ZNF646: variants seen among roughly 807,000 people sequenced by gnomAD.
ZNF646 encodes the protein zinc finger protein 646.
ZNF646 carries 49 observed loss-of-function variants against 115.4 expected under a neutral mutation model. The ratio of observed to expected loss-of-function variants is 0.42; its 90% CI spans 0.34 to 0.54. The LOEUF is 0.54. Ranked by LOEUF, ZNF646 falls within the 20% of genes least tolerant of loss-of-function variation. The probability of loss-of-function intolerance (pLI) is 0.04; values close to 1 mark genes in which losing one functional copy is unlikely to be tolerated. For missense variants in ZNF646, 2,269 were observed against 2,457.9 expected (o/e 0.92, Z 1.62); for synonymous variants, 933 against 939.0 (o/e 0.99, Z 0.12).
chr16:31,079,503 C>T lies in ZNF646; in HGVS notation c.3179C>T (p.Thr1060Ile). The change falls in exon 2 of 3, where the codon ACC becomes ATC. Residue 1060 changes from threonine to isoleucine, a missense_variant. By Grantham distance (89) the Thr-to-Ile change is moderately conservative (BLOSUM62 -1). Around this residue, in one of 5 missense-constraint regions of ZNF646, gnomAD observed 1,062 missense variants for 1,172.8 expected, o/e 0.91. Transcript: ENST00000300850. The surrounding 1 kb of genome is among the most constrained non-coding windows in gnomAD (Gnocchi z 5.5). ...TTCCGCTGCAACCAGTGTGGCAAGA[C>T]CTATCGCCATGGGGGCAGCCTGGTG... is the stretch of plus-strand genomic sequence containing the variant. ...RPFRCNQCGK[T>I]YRHGGSLVNH... 6.2e-7 allele frequency: 1 copy of T among 1,613,682 alleles called. No homozygotes were observed. Among genetic ancestry groups the T allele is most frequent in the Non-Finnish European group, 8.5e-7 (1 of 1,180,012 alleles).
rs140521576 is a variant in ZNF646, at chr16:31,077,294, C to T, written c.970C>T (p.Arg324Cys). ...QSHEGERQEP[R>C]WEEKGMPTTN... The stretch of plus-strand genomic sequence containing the variant: ...CCATGAGGGTGAAAGGCAGGAGCCA[C>T]GCTGGGAGGAGAAAGGGATGCCCAC... Residue 324 changes from arginine (R) to cysteine (C), a missense_variant, in exon 2 of 3, where the codon CGC (arginine) becomes TGC (cysteine). Coordinates refer to ENST00000300850, the MANE Select transcript of ZNF646 (RefSeq NM_014699.4). The T allele has an allele frequency of 3.7e-5, 60 of 1,613,946 alleles. 2 individuals carry two copies. The South Asian group carries it at 5.6e-4, about 15-fold the overall frequency.
chr16:31,084,101 G>T lies in ZNF646; in HGVS notation c.*1009G>T. On this transcript the variant is annotated 3_prime_UTR_variant, in exon 3 of 3. Coordinates refer to ENST00000300850, the MANE Select transcript of ZNF646 (RefSeq NM_014699.4). ...CCTGGAGAGGCAGGGTTTGGCAGGA[G>T]GCCCCGGGGCCACATACTTATGTTG... is the stretch of plus-strand genomic sequence containing the variant. 2 of 1,556,384 alleles carry T rather than the reference G, an allele frequency of 1.3e-6. No individual in the cohort carries two copies. Among genetic ancestry groups the T allele is most frequent in the South Asian group, 2.4e-5 (2 of 84,526 alleles).
At position 31,083,281 on chromosome 16, in the gene ZNF646, ACCT is replaced by A; in HGVS notation, c.*193_*195del. 9.9e-7 allele frequency: 1 copy of A among 1,006,950 alleles called. No homozygotes were observed. The highest frequency in any genetic ancestry group is 3.1e-5 in the East Asian group (1 of 32,624). 62.4% of individuals were successfully genotyped at this position (1,006,950 alleles called of 1,614,324 possible). On this transcript the variant is annotated 3_prime_UTR_variant, in exon 3 of 3. Coordinates refer to ENST00000300850, the MANE Select transcript of ZNF646 (RefSeq NM_014699.4). ...TTCCTCGCGTCCCTGTCCTTGAAGGACCTCCTTCCCCCAGCCTCATCACCGTGC... is the reference window on the plus strand; with the variant it reads ...TTCCTCGCGTCCCTGTCCTTGAAGGACCTTCCCCCAGCCTCATCACCGTGC...
In ZNF646 at chr16:31,076,978, A is replaced by C; in HGVS notation, c.654A>C (p.Val218=). 1 of 1,614,084 alleles carries C rather than the reference A, an allele frequency of 6.2e-7. No homozygotes were observed. Among genetic ancestry groups the C allele is most frequent in the Non-Finnish European group, 8.5e-7 (1 of 1,179,970 alleles). Residue 218 remains valine, a synonymous_variant, in exon 2 of 3, where the codon GTA becomes GTC. Transcript: ENST00000300850. ...TGGAACAGTATCTGGCTGAATCAGT[A>C]GTGAACTTCACAGGGGGCCAGGAGC... ...SNLEQYLAES[V]VNFTGGQEPT... is the part of the protein sequence containing the mutation.
In ZNF646 at chr16:31,076,617, C is replaced by G; in HGVS notation, c.293C>G (p.Ala98Gly). Residue 98 changes from alanine to glycine, a missense_variant, in exon 2 of 3, where the codon GCT becomes GGT. By Grantham distance (60) the Ala-to-Gly change is moderately conservative (BLOSUM62 0). Transcript: ENST00000300850. ...CTCAAGAGCCATATGAGGACACATG[C>G]TCCTGAGGGCCGCCGCAGGCACAGG... ...MALKSHMRTH[A>G]PEGRRRHRPP... The G allele has an allele frequency of 6.2e-7, 1 of 1,613,072 alleles. No homozygotes were observed. Among genetic ancestry groups the G allele is most frequent in the Non-Finnish European group, 8.5e-7 (1 of 1,179,826 alleles).
intron 2 of ZNF646, chr16:31,081,968 A>G: frequency 3.7e-6 from 2 of 534,296 alleles, no homozygotes; most frequent in Non-Finnish European, 6.7e-6. Context: ...CTCCTCCATT[A>G]CACTGTAGCC....
At position 31,080,478 on chromosome 16, in the gene ZNF646, A is replaced by G. The variant is rs749379450; in HGVS notation, c.4154A>G (p.Glu1385Gly). The stretch of plus-strand genomic sequence containing the variant: ...GGATCTTTGGAGCGGCACCTGCGGG[A>G]GCATGAGGAGACAGAAAGGGAGCCA... ...GRGSLERHLR[E>G]HEETEREPAN... Residue 1385 changes from glutamate (E) to glycine (G), a missense_variant, in exon 2 of 3, where the codon GAG (glutamate) becomes GGG (glycine). Physicochemically the swap from Glu to Gly is moderately conservative, Grantham distance 98 (BLOSUM62 -2). Transcript: ENST00000300850. 6.2e-7 allele frequency: 1 copy of G among 1,613,432 alleles called. No homozygotes were observed. The highest frequency in any genetic ancestry group is 8.5e-7 in the Non-Finnish European group (1 of 1,179,960).
chr16:31,083,569 G>A lies in ZNF646; in HGVS notation c.*477G>A. The A allele has an allele frequency of 6.9e-7, 1 of 1,440,038 alleles. No individual in the cohort carries two copies. Among genetic ancestry groups the A allele is most frequent in the South Asian group, 1.5e-5 (1 of 66,616 alleles). 89.2% of individuals were successfully genotyped at this position (1,440,038 alleles called of 1,614,324 possible). A position where few individuals can be genotyped will look rare whatever the true frequency, so the allele number is the denominator to read the frequency against. On this transcript the variant is annotated 3_prime_UTR_variant, in exon 3 of 3. Transcript: ENST00000300850. Reference sequence around the variant, plus strand: ...AAGGAGGAGGAAAGCTGAGACGCCTGCTTGGTAGCAGAGTTGGGTGTGGGA... The same window carrying A: ...AAGGAGGAGGAAAGCTGAGACGCCTACTTGGTAGCAGAGTTGGGTGTGGGA...
chr16:31,072,787 C>G (rs2057025224), upstream of ZNF646: 1 of 152,406 alleles, frequency 6.6e-6, no homozygotes, highest in Admixed American at 6.5e-5. Context: ...CGGCAGCGAC[C>G]GAACCTCCAG....
In ZNF646 at chr16:31,079,430, C is replaced by T; in HGVS notation, c.3106C>T (p.Leu1036Phe). The T allele has an allele frequency of 2.5e-6, 4 of 1,613,964 alleles. No homozygotes were observed. Among genetic ancestry groups the T allele is most frequent in the Non-Finnish European group, 2.5e-6 (3 of 1,180,006 alleles). ...EGAGTPLGDS[L>F]CIQGGESLLE... The stretch of plus-strand genomic sequence containing the variant: ...AGCAGGCACCCCCTTGGGAGACAGC[C>T]TCTGCATCCAGGGTGGGGAAAGTTT... The change falls in exon 2 of 3, where the codon CTC becomes TTC. Residue 1036 changes from leucine (L) to phenylalanine (F), a missense_variant. Physicochemically the swap from Leu to Phe is conservative, Grantham distance 22 (BLOSUM62 0). Around this residue, in one of 5 missense-constraint regions of ZNF646, gnomAD observed 1,062 missense variants for 1,172.8 expected, o/e 0.91. Coordinates refer to ENST00000300850, the MANE Select transcript of ZNF646 (RefSeq NM_014699.4). This position sits in a 1 kb window ranked among gnomAD's most constrained non-coding sequence, Gnocchi z 5.5.
chr16:31,083,005 C>G lies in ZNF646; in HGVS notation c.5412C>G (p.Asp1804Glu). The G allele has an allele frequency of 6.2e-7, 1 of 1,603,554 alleles. No homozygotes were observed. Among genetic ancestry groups the G allele is most frequent in the African/African-American group, 1.3e-5 (1 of 74,338 alleles). Reference sequence around the variant, plus strand: ...TGGCACCAGTGACGGGCAGAGGGGACTTGCCATTGCCCCCTCCACCCACCC... The same window carrying G: ...TGGCACCAGTGACGGGCAGAGGGGAGTTGCCATTGCCCCCTCCACCCACCC... ...APVAPVTGRG[D>E]LPLPPPPTPT... Residue 1804 changes from aspartate to glutamate, a missense_variant, in exon 3 of 3, where the codon GAC becomes GAG. This residue lies in a region of ZNF646 where 1,062 missense variants were observed against 1,172.8 expected (regional missense o/e 0.91). Coordinates refer to ENST00000300850, the MANE Select transcript of ZNF646 (RefSeq NM_014699.4).
chr16:31,083,309 C>T lies in ZNF646; in HGVS notation c.*217C>T. On this transcript the variant is annotated 3_prime_UTR_variant, in exon 3 of 3. Coordinates refer to ENST00000300850, the MANE Select transcript of ZNF646 (RefSeq NM_014699.4). Reference sequence around the variant, plus strand: ...TCCTTCCCCCAGCCTCATCACCGTGCTCTTCTCAGCGCCACCCTCAGCAGC... The same window carrying T: ...TCCTTCCCCCAGCCTCATCACCGTGTTCTTCTCAGCGCCACCCTCAGCAGC... The T allele has an allele frequency of 1.0e-6, 1 of 955,960 alleles. No homozygotes were observed. Among genetic ancestry groups the T allele is most frequent in the Non-Finnish European group, 1.5e-6 (1 of 673,312 alleles). 59.2% of individuals were successfully genotyped at this position (955,960 alleles called of 1,614,324 possible). A position where few individuals can be genotyped will look rare whatever the true frequency, so the allele number is the denominator to read the frequency against.
At position 31,076,264 on chromosome 16, in the gene ZNF646, G is replaced by A; in HGVS notation, c.-61G>A. 2 of 1,540,376 alleles carry A rather than the reference G, an allele frequency of 1.3e-6. No individual in the cohort carries two copies. The highest frequency in any genetic ancestry group is 1.8e-6 in the Non-Finnish European group (2 of 1,140,254). ...TTCCTAGGCCTTGGCCCCTCCACCAGAGGAAGGTGCTGCCACGTGTCTGCT... is the reference window on the plus strand; with the variant it reads ...TTCCTAGGCCTTGGCCCCTCCACCAAAGGAAGGTGCTGCCACGTGTCTGCT... On this transcript the variant is annotated 5_prime_UTR_variant, in exon 2 of 3. Transcript: ENST00000300850.
chr16:31,074,016 CT>C (rs544200159), upstream of ZNF646: 1 of 152,378 alleles, frequency 6.6e-6, no homozygotes, highest in Non-Finnish European at 1.5e-5. Context: ...CATGCTCAAG[CT>C]CTGCAAAACC....
At chr16:31,082,483 GCAA>G (rs2057175674) in intron 2 of ZNF646, 1 of 186,650 alleles carries the variant, frequency 5.4e-6, no homozygotes, top group East Asian at 1.9e-4. Flanking sequence ...CCCAGCTGCA[GCAA>G]CAACAGTCAT....
chr16:31,083,594 A>G lies in ZNF646; in HGVS notation c.*502A>G. ...GCTTGGTAGCAGAGTTGGGTGTGGG[A>G]GTGTCCACAGACACCCCTGTCCTGC... is the stretch of plus-strand genomic sequence containing the variant. On this transcript the variant is annotated 3_prime_UTR_variant, in exon 3 of 3. Coordinates refer to ENST00000300850, the MANE Select transcript of ZNF646 (RefSeq NM_014699.4). 1 of 1,467,754 alleles carries G rather than the reference A, an allele frequency of 6.8e-7. No individual in the cohort carries two copies. The highest frequency in any genetic ancestry group is 9.1e-7 in the Non-Finnish European group (1 of 1,103,654). The allele number at this position is 1,467,754 out of a possible 1,614,324, so 90.9% of individuals were successfully genotyped here.
Position 31,077,372 on chromosome 16 carries a change from A to G in ZNF646, c.1048A>G (p.Met350Val), listed in dbSNP as rs2057091640. Residue 350 changes from methionine (M) to valine (V), a missense_variant, in exon 2 of 3, where the codon ATG (methionine) becomes GTG (valine). Transcript: ENST00000300850. ...CCAGGACCAGCTCCCCAGTGCACAG[A>G]TGCTGAATGGCTCTGCGGAGCTCAG... is the stretch of plus-strand genomic sequence containing the variant. ...SSQDQLPSAQ[M>V]LNGSAELSTS... 9 of 1,613,160 alleles carry G rather than the reference A, an allele frequency of 5.6e-6. No homozygotes were observed. The highest frequency in any genetic ancestry group is 7.6e-6 in the Non-Finnish European group (9 of 1,179,772).
chr16:31,074,794 A>T (rs1253298606), intron 1 of ZNF646, 163 bp downstream of exon 1: 2 of 151,282 alleles, frequency 1.3e-5, no homozygotes, highest in African/African-American at 4.9e-5. Context: ...TGACTAGGGG[A>T]GGGGACTTTT....
chr16:31,075,657 C>T (rs1424060068), intron 1 of ZNF646, among the ~76,000 whole-genome samples: 10 of 152,156 alleles, frequency 6.6e-5, no homozygotes, highest in African/African-American at 2.4e-4. Flanking sequence ...GACCTTGTGA[C>T]ACTGAAATGA....
Sources: allele counts gnomAD v4.1 joint callset (sites outside exome capture counted in the v4.1 genomes callset), GRCh38; gene constraint gnomAD v4.1.1; regional missense constraint gnomAD v4.1.1; non-coding constraint Gnocchi (gnomAD v3.1); transcripts MANE v1.5; gene names NCBI Gene and HGNC (gene_info 2026-07-23, HGNC 2026-07-21).